BBX: variants seen among roughly 807,000 people sequenced by gnomAD.
The protein encoded by BBX is HMG box transcription factor BBX.
A neutral mutation model predicts 100.2 loss-of-function variants in BBX; 30 were observed. The observed-to-expected ratio is 0.30, with a 90% confidence interval of 0.22 to 0.41. The LOEUF (loss-of-function observed/expected upper bound fraction) is 0.41, where lower values mean the gene tolerates loss of function less well. BBX is among the 10% of genes least tolerant of loss of function. The pLI is 1.00. For synonymous variants in BBX, 376 were observed against 388.1 expected (o/e 0.97, Z 0.37); for missense variants, 1,023 against 1,129.8 (o/e 0.91, Z 1.35).
chr3:107,784,062 A>G (rs1034947144), intron 13 of BBX, among the ~76,000 whole-genome samples: 1 of 152,180 alleles, frequency 6.6e-6, no homozygotes. Flanking sequence ...TGGAATAAAT[A>G]TTGAGAACCT....
At chr3:107,683,385 C>G (rs1212742726) in intron 3 of BBX, among the ~76,000 whole-genome samples, 1 of 151,940 alleles carries the variant, frequency 6.6e-6, no homozygotes, top group Non-Finnish European at 1.5e-5. Context: ...AAAATTACTG[C>G]CCTTTAGTAG....
chr3:107,633,524 C>T (rs1294099100), intron 2 of BBX, among the ~76,000 whole-genome samples: 1 of 152,222 alleles, frequency 6.6e-6, no homozygotes, highest in East Asian at 1.9e-4. Flanking sequence ...CTCTGGGCAT[C>T]ATGCCTGCGG....
rs141619326 is a variant in BBX at position 107,603,744 on chromosome 3, T to G, written c.-83-42092T>G. Among the ~76,000 whole-genome samples the G allele has an allele frequency of 6.5e-3, 991 of 152,278 alleles. 4 individuals are homozygous for G. Among genetic ancestry groups the G allele is most frequent in the Non-Finnish European group, 9.4e-3 (637 of 68,026 alleles). On this transcript the variant is annotated intron_variant, in intron 2 of 17. Coordinates refer to ENST00000325805, the MANE Select transcript of BBX (RefSeq NM_001142568.3). Reference sequence around the variant, plus strand: ...ACATTCAGCAACCACCACCTTGATCTGTCGGCAGCCATCAACATGGAGGCA... The same window carrying G: ...ACATTCAGCAACCACCACCTTGATCGGTCGGCAGCCATCAACATGGAGGCA...
intron 2 of BBX, among the ~76,000 whole-genome samples, chr3:107,586,807 A>G (rs1219672089): frequency 1.3e-5 from 2 of 151,398 alleles, no homozygotes; most frequent in African/African-American, 2.4e-5. Flanking sequence ...CTAGAGTGCA[A>G]TGGTGCGATC....
intron 4 of BBX, among the ~76,000 whole-genome samples, chr3:107,715,405 G>T (rs1016575450): frequency 1.3e-5 from 2 of 152,140 alleles, no homozygotes; most frequent in African/African-American, 4.8e-5. Context: ...CAGACTAATG[G>T]TTACAAGTTG....
chr3:107,793,150 G>A (rs9844996), intron 15 of BBX, among the ~76,000 whole-genome samples: 15,620 of 152,126 alleles, frequency 0.1, 1,049 homozygotes, highest in Middle Eastern at 0.16. Flanking sequence ...TCTAACACTT[G>A]ATAATGATTT....
chr3:107,730,719 A>T (rs568772387), intron 6 of BBX, among the ~76,000 whole-genome samples: 14 of 152,028 alleles, frequency 9.2e-5, no homozygotes, highest in African/African-American at 3.1e-4. Context: ...GAAGGAAAAC[A>T]CCTTCCTTGC....
At chr3:107,776,417 A>T (rs986156881) in intron 12 of BBX, 1 of 152,110 alleles carries the variant, frequency 6.6e-6, no homozygotes, top group African/African-American at 2.4e-5. Context: ...TAACTGGGAG[A>T]TGCTTTTTTA....
At chr3:107,712,479 G>A (rs529361138) in intron 4 of BBX, among the ~76,000 whole-genome samples, 40 of 152,016 alleles carry the variant, frequency 2.6e-4, no homozygotes, top group Non-Finnish European at 4.7e-4. Flanking sequence ...CCATTTGTCC[G>A]ACCTGAGACC....
chr3:107,616,162 T>C (rs1241091448), intron 2 of BBX, among the ~76,000 whole-genome samples: 1 of 151,706 alleles, frequency 6.6e-6, no homozygotes, highest in Non-Finnish European at 1.5e-5. Flanking sequence ...AAATTTGAAG[T>C]ACAAAATGCT....
intron 2 of BBX, among the ~76,000 whole-genome samples, chr3:107,568,727 C>T (rs2051123535): frequency 6.6e-6 from 1 of 152,056 alleles, no homozygotes; most frequent in African/African-American, 2.4e-5. Context: ...ATCCTTGGCC[C>T]AGGTTCCACT....
chr3:107,548,101 A>G (rs1035983073), intron 2 of BBX, among the ~76,000 whole-genome samples: 2 of 152,190 alleles, frequency 1.3e-5, no homozygotes, highest in Non-Finnish European at 2.9e-5. Flanking sequence ...GTTTGGACGT[A>G]TGATTGTGTG....
chr3:107,546,459 A>G (rs1051281309), intron 2 of BBX, among the ~76,000 whole-genome samples: 6 of 152,190 alleles, frequency 3.9e-5, no homozygotes, highest in East Asian at 3.9e-4. Context: ...ACACAGAACC[A>G]TATGATTAAA....
intron 12 of BBX, among the ~76,000 whole-genome samples, chr3:107,775,920 C>G (rs2107806905): frequency 6.8e-6 from 1 of 147,972 alleles, no homozygotes; most frequent in Admixed American, 6.7e-5. Flanking sequence ...CAAAGTACTT[C>G]AAATTAATTT....
intron 2 of BBX, among the ~76,000 whole-genome samples, chr3:107,570,481 G>T (rs1286140766): frequency 1.3e-5 from 2 of 152,120 alleles, no homozygotes; most frequent in Non-Finnish European, 2.9e-5. Flanking sequence ...TACATTTGAT[G>T]AAAAAGAGCC....
rs1337601618 is a variant in BBX, at chr3:107,716,769, G to A, written c.325G>A (p.Gly109Ser). The change falls in exon 5 of 18, where the codon GGT becomes AGT. Residue 109 changes from glycine to serine, a missense_variant. Transcript: ENST00000325805. ...GGAACACCCCAGGCTTGATAACCGA[G>A]GTGCTACCAAGATACTAGCTGATTG... ...RQEHPRLDNR[G>S]ATKILADWWA... The A allele has an allele frequency of 2.5e-6, 4 of 1,613,634 alleles. No homozygotes were observed. In the East Asian group the frequency reaches 8.9e-5, roughly 36 times the overall value.
intron 2 of BBX, among the ~76,000 whole-genome samples, chr3:107,576,686 C>T (rs570979409): frequency 1.3e-5 from 2 of 151,442 alleles, no homozygotes; most frequent in African/African-American, 4.8e-5. Flanking sequence ...TTTTTAGATA[C>T]AAGTCAAGAT....
At chr3:107,568,963 C>T (rs2051140455) in intron 2 of BBX, among the ~76,000 whole-genome samples, 1 of 152,206 alleles carries the variant, frequency 6.6e-6, no homozygotes, top group Admixed American at 6.5e-5. Flanking sequence ...TCTTGTTTCT[C>T]TGCCATTAAC....
chr3:107,641,204 C>T (rs1463548489), intron 2 of BBX, among the ~76,000 whole-genome samples: 2 of 151,768 alleles, frequency 1.3e-5, no homozygotes, highest in Non-Finnish European at 2.9e-5. Flanking sequence ...CCTGCCTCAG[C>T]CTCCTGAGTA....
Sources: allele counts gnomAD v4.1 joint callset (sites outside exome capture counted in the v4.1 genomes callset), GRCh38; gene constraint gnomAD v4.1.1; transcripts MANE v1.5; gene names NCBI Gene and HGNC (gene_info 2026-07-23, HGNC 2026-07-21).